The following SCN11A variants were observed in gnomAD, a reference collection of about 807,000 sequenced individuals.
SCN11A encodes sodium voltage-gated channel alpha subunit 11, also known as sodium channel protein type 11 subunit alpha.
A neutral mutation model predicts 162.2 loss-of-function variants in SCN11A; 122 were observed. The observed-to-expected ratio is 0.75, with a 90% CI of 0.65 to 0.87. The LOEUF is 0.87. SCN11A is among the 40% of genes least tolerant of loss of function. The pLI is 0.00. For synonymous variants in SCN11A, 758 were observed against 751.5 expected (o/e 1.01, Z -0.14); for missense variants, 2,015 against 2,181.6 (o/e 0.92, Z 1.52).
In SCN11A at chr3:38,894,754, C is replaced by A. The variant is rs1460958561; in HGVS notation, c.2614G>T (p.Gly872Cys). The change falls in exon 19 of 30, where the codon GGC becomes TGC. Residue 872 changes from glycine to cysteine, a missense_variant. Coordinates refer to ENST00000302328, the MANE Select transcript of SCN11A (RefSeq NM_001349253.2). ...ATGTCTTTGCTTTGTGCAGCACAGC[C>A]TCCTGCCACCTCTTTTTGCTGTGGT... ...NLPQQKEVAG[G>C]CAAQSKDIIP... is the part of the protein sequence containing the mutation. 1.9e-6 allele frequency: 3 copies of A among 1,614,084 alleles called. No individual in the cohort carries two copies. The African/African-American group carries it at 4.0e-5, about 22-fold the overall frequency.
intron 2 of SCN11A, among the ~76,000 whole-genome samples, chr3:38,987,002 C>G (rs1194448633): frequency 6.6e-6 from 1 of 152,132 alleles, no homozygotes; most frequent in East Asian, 1.9e-4. Flanking sequence ...TACAGCAAGA[C>G]CAGTAGAGAC....
At chr3:38,941,478 G>A (rs757040258) in intron 7 of SCN11A, among the ~76,000 whole-genome samples, 3 of 152,150 alleles carry the variant, frequency 2.0e-5, no homozygotes, top group Non-Finnish European at 4.4e-5. Context: ...GTCTTTAAAA[G>A]GCATGTGCCC....
intron 24 of SCN11A, 123 bp from the exon 25 acceptor site, chr3:38,871,831 C>T (rs1356810089): frequency 3.8e-6 from 3 of 786,632 alleles, no homozygotes; most frequent in Non-Finnish European, 6.1e-6. Flanking sequence ...TTAATCTCCA[C>T]ATACATGTGC....
intron 2 of SCN11A, among the ~76,000 whole-genome samples, chr3:38,994,809 C>T (rs1353911880): frequency 6.6e-6 from 1 of 152,054 alleles, no homozygotes; most frequent in Admixed American, 6.6e-5. Context: ...CTGGAGGGAC[C>T]TACACTCACA....
chr3:38,937,461 G>A lies in SCN11A; in HGVS notation c.488+7950C>T, dbSNP rs1287609168. ...ACCTACAAAATGGGAGAAAATTTTC[G>A]CAACCTACTCATCTGACAAAGGGCT... On this transcript the variant is annotated intron_variant, in intron 7 of 29. Coordinates refer to ENST00000302328, the MANE Select transcript of SCN11A (RefSeq NM_001349253.2). Among the ~76,000 whole-genome samples, 67 of 150,580 alleles carry A rather than the reference G, an allele frequency of 4.4e-4. 2 individuals are homozygous for A. The highest frequency in any genetic ancestry group is 3.3e-3 in the Admixed American group (50 of 15,164).
intron 1 of SCN11A, among the ~76,000 whole-genome samples, chr3:39,033,652 T>C (rs1392362309): frequency 3.9e-5 from 6 of 152,318 alleles, no homozygotes; most frequent in South Asian, 4.1e-4. Context: ...ATGGCTATCA[T>C]TAGGCATTCA....
At chr3:38,964,211 C>A (rs1002980180) in intron 2 of SCN11A, among the ~76,000 whole-genome samples, 4 of 152,204 alleles carry the variant, frequency 2.6e-5, no homozygotes, top group African/African-American at 7.2e-5. Flanking sequence ...CAGCACATTG[C>A]CGTCCCTTGG....
chr3:38,885,202 A>G, intron 21 of SCN11A, 86 bp downstream of exon 21: 2 of 760,816 alleles, frequency 2.6e-6, no homozygotes, highest in Non-Finnish European at 4.6e-6. Context: ...GAAAGATGAT[A>G]TCTACTAAAA....
At position 38,907,949 on chromosome 3, in the gene SCN11A, C is replaced by T. The variant is rs1462272477; in HGVS notation, c.1473G>A (p.Lys491=). ...CATTAATTCCCTGGAAAAGACTTAC[C>T]TTTTTTTGGCAATCTTCATCAGAAT... ...GSDSDEDCQK[K]PQLLEQTKRL... The change falls in exon 14 of 30, where the codon AAG becomes AAA. Residue 491 remains lysine, a splice_region_variant and synonymous_variant. Transcript: ENST00000302328. 6.3e-7 allele frequency: 1 copy of T among 1,597,588 alleles called. No homozygotes were observed. Among genetic ancestry groups the T allele is most frequent in the Non-Finnish European group, 8.5e-7 (1 of 1,175,690 alleles).
intron 7 of SCN11A, among the ~76,000 whole-genome samples, chr3:38,937,510 T>A (rs1200084816): frequency 6.6e-6 from 1 of 151,274 alleles, no homozygotes; most frequent in African/African-American, 2.4e-5. Flanking sequence ...TACAATGAAC[T>A]CAAACAAATT....
In SCN11A at chr3:38,897,038, T is replaced by G. The variant is rs1281591047; in HGVS notation, c.2210A>C (p.Asn737Thr). ...FNSQKSPKLC[N>T]PTGPTVSCLR... ...ACATGAGACTGTCGGGCCTGTCGGG[T>G]TACAGAGTTTTGGACTCTTTTGGGA... Residue 737 changes from asparagine (N) to threonine (T), a missense_variant, in exon 18 of 30, where the codon AAC becomes ACC. Transcript: ENST00000302328. 6.2e-7 allele frequency: 1 copy of G among 1,614,070 alleles called. No individual in the cohort carries two copies. The highest frequency in any genetic ancestry group is 1.1e-5 in the South Asian group (1 of 91,074).
chr3:38,910,286 T>C, intron 11 of SCN11A, 79 bp from the exon 12 acceptor site: 1 of 1,453,428 alleles, frequency 6.9e-7, no homozygotes, highest in Non-Finnish European at 9.4e-7. Flanking sequence ...ACTCTGGTTT[T>C]TCCAAGGGCT....
intron 1 of SCN11A, among the ~76,000 whole-genome samples, chr3:39,038,930 A>G (rs1310324814): frequency 6.6e-6 from 1 of 152,170 alleles, no homozygotes; most frequent in Non-Finnish European, 1.5e-5. Flanking sequence ...TCCTTTCTCT[A>G]CTAGCGATTC....
chr3:38,861,726 G>A (rs1041004393), intron 28 of SCN11A, among the ~76,000 whole-genome samples: 4 of 151,906 alleles, frequency 2.6e-5, no homozygotes, highest in African/African-American at 9.7e-5. Flanking sequence ...CTCTCACCTG[G>A]TACAAAAATC....
At chr3:38,887,471 GAT>G (rs1225627184) in intron 19 of SCN11A, among the ~76,000 whole-genome samples, 1 of 149,224 alleles carries the variant, frequency 6.7e-6, no homozygotes, top group African/African-American at 2.5e-5. Context: ...AGCATTAGGA[GAT>G]ATACCTAATG....
chr3:38,885,749 T>TTC (rs755744349), intron 20 of SCN11A, among the ~76,000 whole-genome samples: 7 of 152,218 alleles, frequency 4.6e-5, no homozygotes, highest in Non-Finnish European at 1.0e-4. Flanking sequence ...GACTATAATT[T>TTC]TCCACTGTCT....
At chr3:39,032,061 C>T (rs946151713) in intron 2 of SCN11A, among the ~76,000 whole-genome samples, 2 of 152,120 alleles carry the variant, frequency 1.3e-5, no homozygotes, top group South Asian at 2.1e-4. Context: ...CTGATTCTTA[C>T]GTGCTCATTT....
chr3:38,884,450 T>A (rs1327262933), intron 21 of SCN11A, among the ~76,000 whole-genome samples: 1 of 152,240 alleles, frequency 6.6e-6, no homozygotes. Context: ...CCCAATTTAA[T>A]CCTAAACTTA....
chr3:38,955,002 A>C (rs1471367713), intron 3 of SCN11A, among the ~76,000 whole-genome samples: 1 of 152,112 alleles, frequency 6.6e-6, no homozygotes, highest in Non-Finnish European at 1.5e-5. Flanking sequence ...AAAGAAAAGA[A>C]AAGAAAAGTA....
Sources: gnomAD v4.1 joint callset for allele counts (sites outside exome capture counted in the v4.1 genomes callset) on GRCh38, gnomAD v4.1.1 for gene constraint, MANE v1.5 for transcripts, NCBI Gene and HGNC (gene_info 2026-07-23, HGNC 2026-07-21) for gene names.